PCDH15: variants seen among roughly 807,000 people sequenced by gnomAD.
The protein encoded by PCDH15 is protocadherin related 15.
In PCDH15, 129 loss-of-function variants were observed where a neutral mutation model predicts 178.5. That is an observed-to-expected ratio of 0.72 (90% CI 0.63 to 0.84). PCDH15 has a LOEUF of 0.84. Ranked by LOEUF, PCDH15 falls within the 40% of genes least tolerant of loss-of-function variation. The probability of loss-of-function intolerance (pLI) is 0.00; values close to 1 mark genes in which losing one functional copy is unlikely to be tolerated. For missense variants in PCDH15, 2,230 were observed against 2,099.9 expected (o/e 1.06, Z -1.21); for synonymous variants, 800 against 732.0 (o/e 1.09, Z -1.50).
At chr10:55,448,045 T>C (rs1839355481) in intron 2 of PCDH15, among the ~76,000 whole-genome samples, 1 of 152,018 alleles carries the variant, frequency 6.6e-6, no homozygotes, top group African/African-American at 2.4e-5. Context: ...ATCTGTTTCA[T>C]TATGAATTTT....
rs570748820 is a variant in PCDH15 at position 54,230,822 on chromosome 10, T to G, written c.985+6001A>C. 3.9e-5 allele frequency among the ~76,000 whole-genome samples: 6 copies of G among 152,312 alleles called. No individual in the cohort carries two copies. In the South Asian group the frequency reaches 1.2e-3, roughly 32 times the overall value. On this transcript the variant is annotated intron_variant, in intron 9 of 37. Coordinates refer to ENST00000644397, the MANE Select transcript of PCDH15 (RefSeq NM_001384140.1). ...TTTATGTTTTAGTATGTAACATATA[T>G]CTCATCTATATGATATTTAATACAT... is the stretch of plus-strand genomic sequence containing the variant.
intron 7 of PCDH15, among the ~76,000 whole-genome samples, chr10:54,329,218 C>T (rs1486788230): frequency 6.7e-6 from 1 of 148,512 alleles, no homozygotes; most frequent in Non-Finnish European, 1.5e-5. Flanking sequence ...AGATATTCCA[C>T]TTCCATCATC....
chr10:55,080,789 CT>C (rs1474640345), intron 2 of PCDH15, among the ~76,000 whole-genome samples: 1 of 152,134 alleles, frequency 6.6e-6, no homozygotes, highest in Non-Finnish European at 1.5e-5. Flanking sequence ...GGAAGGGACC[CT>C]GCTCACTTTC....
rs1202390317 is a variant in PCDH15, at chr10:54,555,459, C to T, written c.92-27582G>A. ...AAAGAATCACCTATTCAGCAGGGCA[C>T]GGTGGCTCACGCCTGTAATCCCAAC... is the stretch of plus-strand genomic sequence containing the variant. On this transcript the variant is annotated intron_variant, in intron 2 of 37. Transcript: ENST00000644397. Among the ~76,000 whole-genome samples, 5 of 151,804 alleles carry T rather than the reference C, an allele frequency of 3.3e-5. No homozygotes were observed. The East Asian group carries it at 5.8e-4, about 18-fold the overall frequency.
intron 13 of PCDH15, among the ~76,000 whole-genome samples, chr10:54,168,973 C>T (rs1472277791): frequency 6.6e-6 from 1 of 152,124 alleles, no homozygotes; most frequent in Non-Finnish European, 1.5e-5. Context: ...CTTCCAAATG[C>T]CTGAACCGCA....
In PCDH15 at chr10:55,310,210, C is replaced by T. The variant is rs557131290; in HGVS notation, c.-156+9389G>A. On this transcript the variant is annotated intron_variant, in intron 1 of 5. Transcript: ENST00000458638. ...CCTTTATTTATTTCTTATAAGTCAG[C>T]CTTCTCCTCTAGCATGTGAAAACTC... is the stretch of plus-strand genomic sequence containing the variant. Among the ~76,000 whole-genome samples, 3 of 152,174 alleles carry T rather than the reference C, an allele frequency of 2.0e-5. No individual in the cohort carries two copies. In the South Asian group the frequency reaches 6.2e-4, roughly 32 times the overall value.
chr10:54,208,511 CCCTCTCAT>C (rs1289594724), intron 10 of PCDH15, among the ~76,000 whole-genome samples: 2 of 152,014 alleles, frequency 1.3e-5, no homozygotes, highest in Non-Finnish European at 2.9e-5. Flanking sequence ...CACCCTCTCA[CCCTCTCAT>C]CCTCTCATCC....
At chr10:53,821,970 C>T in intron 32 of PCDH15, 1 of 1,613,906 alleles carries the variant, frequency 6.2e-7, no homozygotes, top group Non-Finnish European at 8.5e-7. Context: ...TTCTGAAGGG[C>T]ACATAGTTTG....
chr10:54,774,064 T>G (rs908256593), intron 1 of PCDH15, among the ~76,000 whole-genome samples: 1 of 127,348 alleles, frequency 7.9e-6, no homozygotes, highest in Non-Finnish European at 1.6e-5. Context: ...AGTCTCGCTC[T>G]GTCTCCCAGG....
chr10:54,870,725 G>A (rs1954021688), intron 3 of PCDH15, among the ~76,000 whole-genome samples: 1 of 151,998 alleles, frequency 6.6e-6, no homozygotes, highest in South Asian at 2.1e-4. Context: ...GGCGGAGCTT[G>A]CAGTGAGCCG....
chr10:55,307,720 T>C (rs1207709536), intron 1 of PCDH15, among the ~76,000 whole-genome samples: 3 of 151,910 alleles, frequency 2.0e-5, no homozygotes, highest in African/African-American at 7.2e-5. Context: ...TTGATCCAAC[T>C]TGCCCCCCAA....
chr10:53,911,815 C>T (rs1286298100), intron 25 of PCDH15, among the ~76,000 whole-genome samples: 1 of 152,054 alleles, frequency 6.6e-6, no homozygotes, highest in Non-Finnish European at 1.5e-5. Flanking sequence ...GCCTACCAAC[C>T]AAAAACAAAG....
chr10:54,018,679 A>G (rs1395851860), intron 20 of PCDH15, among the ~76,000 whole-genome samples: 1 of 152,128 alleles, frequency 6.6e-6, no homozygotes, highest in African/African-American at 2.4e-5. Flanking sequence ...AAGCATGAAT[A>G]GTATCACCAT....
chr10:54,285,828 A>G (rs545657886), intron 8 of PCDH15, among the ~76,000 whole-genome samples: 26 of 152,290 alleles, frequency 1.7e-4, no homozygotes, highest in Non-Finnish European at 3.2e-4. Flanking sequence ...TTGTTCATCA[A>G]CTGATAAATG....
intron 3 of PCDH15, among the ~76,000 whole-genome samples, chr10:54,436,031 GGAGAGA>G (rs753698148): frequency 0.032 from 1,096 of 34,556 alleles, 48 homozygotes; most frequent in African/African-American, 0.14. Flanking sequence ...GGAGAGGAGA[GGAGAGA>G]GAGAGAGAGA....
intron 21 of PCDH15, among the ~76,000 whole-genome samples, chr10:53,990,337 C>G (rs1396482867): frequency 6.6e-6 from 1 of 151,816 alleles, no homozygotes; most frequent in East Asian, 1.9e-4. Flanking sequence ...TATATATATA[C>G]TTTCTGAAAA....
chr10:54,733,172 T>C (rs1029358776), intron 1 of PCDH15, among the ~76,000 whole-genome samples: 1 of 151,484 alleles, frequency 6.6e-6, no homozygotes, highest in African/African-American at 2.4e-5. Flanking sequence ...ATCCTCCAGA[T>C]TGGAAAGAAA....
chr10:54,221,676 C>T (rs1224845896), intron 9 of PCDH15, among the ~76,000 whole-genome samples: 3 of 151,588 alleles, frequency 2.0e-5, no homozygotes, highest in Admixed American at 1.3e-4. Context: ...TGTCTTGGCT[C>T]ACTCCAACTT....
intron 2 of PCDH15, among the ~76,000 whole-genome samples, chr10:55,013,834 G>A (rs772856488): frequency 1.3e-5 from 2 of 151,992 alleles, no homozygotes; most frequent in Non-Finnish European, 2.9e-5. Flanking sequence ...CAGTGAATAT[G>A]CAAATGAATA....
Sources: allele counts gnomAD v4.1 joint callset (sites outside exome capture counted in the v4.1 genomes callset), GRCh38; gene constraint gnomAD v4.1.1; transcripts MANE v1.5; gene names NCBI Gene and HGNC (gene_info 2026-07-23, HGNC 2026-07-21).